CMIP: variants seen among roughly 807,000 people sequenced by gnomAD.
CMIP encodes C-Maf-inducing protein.
A neutral mutation model predicts 97.3 loss-of-function variants in CMIP; 13 were observed. The observed-to-expected ratio is 0.13, with a 90% confidence interval of 0.09 to 0.21. CMIP has a LOEUF of 0.21. Ranked by LOEUF, CMIP falls within the 10% of genes least tolerant of loss-of-function variation. The pLI, the probability that CMIP is intolerant of heterozygous loss-of-function variation, is 1.00. For missense variants in CMIP, 847 were observed against 1,024.9 expected, an observed-to-expected ratio of 0.83 and a Z score of 2.37; for synonymous variants, 538 against 436.3, an observed-to-expected ratio of 1.23 and a Z score of -2.91.
chr16:81,675,609 G>A (rs1250727354), intron 9 of CMIP, among the ~76,000 whole-genome samples: 1 of 152,056 alleles, frequency 6.6e-6, no homozygotes, highest in Non-Finnish European at 1.5e-5. Context: ...ACATTTCTGG[G>A]GTATGGCCCA....
At chr16:81,583,538 T>C (rs2091331629) in intron 1 of CMIP, among the ~76,000 whole-genome samples, 1 of 152,186 alleles carries the variant, frequency 6.6e-6, no homozygotes, top group African/African-American at 2.4e-5. Flanking sequence ...CAATGAAACT[T>C]GTCAATAGAG....
rs1431427155 is a variant in CMIP at position 81,616,532 on chromosome 16, C to T, written c.427-4344C>T. Reference sequence around the variant, plus strand: ...TGTGGTTGGTAGTGACATGCGTCATCGCACTTAGTTCGCCAGCCTGTGTCA... The same window carrying T: ...TGTGGTTGGTAGTGACATGCGTCATTGCACTTAGTTCGCCAGCCTGTGTCA... On this transcript the variant is annotated intron_variant, in intron 2 of 20. Transcript: ENST00000537098. This position sits in a 1 kb window ranked among gnomAD's most constrained non-coding sequence, Gnocchi z 4.7. Among the ~76,000 whole-genome samples the T allele has an allele frequency of 1.3e-5, 2 of 152,198 alleles. No individual in the cohort carries two copies. The highest frequency in any genetic ancestry group is 2.9e-5 in the Non-Finnish European group (2 of 68,030).
At chr16:81,671,315 C>G (rs1324989048) in intron 8 of CMIP, among the ~76,000 whole-genome samples, 3 of 152,208 alleles carry the variant, frequency 2.0e-5, no homozygotes, top group African/African-American at 7.2e-5. Context: ...TTAGGGCATT[C>G]TTAGTGACAG....
chr16:81,494,997 G>A (rs1478108478), intron 1 of CMIP, among the ~76,000 whole-genome samples: 1 of 152,142 alleles, frequency 6.6e-6, no homozygotes, highest in East Asian at 1.9e-4. Flanking sequence ...GCTAGTGTCG[G>A]AGATGGCACC....
At chr16:81,552,244 G>A (rs1390304420) in intron 1 of CMIP, among the ~76,000 whole-genome samples, 1 of 152,254 alleles carries the variant, frequency 6.6e-6, no homozygotes, top group Middle Eastern at 3.4e-3. Context: ...TGTCTCTGAC[G>A]TCGGCTCACT....
At chr16:81,664,588 G>A (rs536428472) in intron 7 of CMIP, 8 of 583,900 alleles carry the variant, frequency 1.4e-5, no homozygotes, top group Non-Finnish European at 2.4e-5. Context: ...TACCGCAGCT[G>A]GAGGAGAAGA....
chr16:81,495,183 G>C (rs1428629603), intron 1 of CMIP, among the ~76,000 whole-genome samples: 4 of 152,208 alleles, frequency 2.6e-5, no homozygotes, highest in Non-Finnish European at 4.4e-5. Flanking sequence ...CTCAGTGTTA[G>C]CTCTCACCAT....
At chr16:81,572,321 T>A (rs925622666) in intron 1 of CMIP, among the ~76,000 whole-genome samples, 1 of 152,236 alleles carries the variant, frequency 6.6e-6, no homozygotes, top group Non-Finnish European at 1.5e-5. Context: ...GCCCTTGCCC[T>A]GTTTCTGTGA....
At chr16:81,581,080 TC>T (rs1194184275) in intron 1 of CMIP, among the ~76,000 whole-genome samples, 1 of 152,222 alleles carries the variant, frequency 6.6e-6, no homozygotes, top group African/African-American at 2.4e-5. Flanking sequence ...TCAGGGTTCT[TC>T]CGTGTTGCAG....
intron 1 of CMIP, among the ~76,000 whole-genome samples, chr16:81,527,544 A>C (rs982228478): frequency 6.6e-6 from 1 of 152,212 alleles, no homozygotes; most frequent in Non-Finnish European, 1.5e-5. Flanking sequence ...CCACCAGGCT[A>C]TCAGTTGGAT....
chr16:81,672,127 C>A, intron 9 of CMIP, 57 bp downstream of exon 9: 1 of 1,023,352 alleles, frequency 9.8e-7, no homozygotes, highest in Non-Finnish European at 1.5e-6. Context: ...CTGCCACCCC[C>A]ATCATGGGCA....
At chr16:81,499,283 C>G (rs2089551516) in intron 1 of CMIP, among the ~76,000 whole-genome samples, 1 of 152,164 alleles carries the variant, frequency 6.6e-6, no homozygotes, top group African/African-American at 2.4e-5. Flanking sequence ...GATGCACATG[C>G]CTCACACCTA....
At chr16:81,609,746 A>C (rs1298174844) in intron 2 of CMIP, among the ~76,000 whole-genome samples, 3 of 152,160 alleles carry the variant, frequency 2.0e-5, no homozygotes, top group Non-Finnish European at 4.4e-5. Context: ...CTCCCCGGGC[A>C]GAGGGGATGT....
chr16:81,651,405 T>G (rs2092427322), intron 3 of CMIP: 2 of 981,828 alleles, frequency 2.0e-6, no homozygotes, highest in Non-Finnish European at 2.4e-6. Flanking sequence ...GCTCTCTGGC[T>G]TCGACACAGC....
At chr16:81,543,957 G>A (rs2090495614) in intron 1 of CMIP, among the ~76,000 whole-genome samples, 2 of 152,204 alleles carry the variant, frequency 1.3e-5, no homozygotes, top group South Asian at 4.1e-4. Context: ...ATCTTACTTG[G>A]GAGAACACAG....
At chr16:81,537,621 T>G (rs1478776871) in intron 1 of CMIP, among the ~76,000 whole-genome samples, 1 of 149,728 alleles carries the variant, frequency 6.7e-6, no homozygotes, top group Non-Finnish European at 1.5e-5. Flanking sequence ...ACCCCAGCAC[T>G]TTGAGAAGCT....
chr16:81,567,776 C>T (rs574643672), intron 1 of CMIP, among the ~76,000 whole-genome samples: 5 of 152,320 alleles, frequency 3.3e-5, no homozygotes, highest in South Asian at 2.1e-4. Context: ...ATTTCGTCCC[C>T]GCTTCTTGTC....
chr16:81,662,414 C>A (rs778041102), intron 6 of CMIP, among the ~76,000 whole-genome samples: 1 of 152,148 alleles, frequency 6.6e-6, no homozygotes, highest in South Asian at 2.1e-4. Flanking sequence ...AAAAGGTACC[C>A]TTTTTGGCAT....
intron 1 of CMIP, among the ~76,000 whole-genome samples, chr16:81,537,692 G>A (rs1331460943): frequency 1.3e-5 from 2 of 150,664 alleles, no homozygotes; most frequent in South Asian, 2.1e-4. Context: ...ATAGTGAGAC[G>A]CCCATCTCTG....
Sources: allele counts gnomAD v4.1 joint callset (sites outside exome capture counted in the v4.1 genomes callset), GRCh38; gene constraint gnomAD v4.1.1; non-coding constraint Gnocchi (gnomAD v3.1); transcripts MANE v1.5; gene names NCBI Gene and HGNC (gene_info 2026-07-23, HGNC 2026-07-21).